POLN: variants seen among roughly 807,000 people sequenced by gnomAD.
POLN encodes DNA polymerase N.
In POLN, 108 loss-of-function variants were observed where a neutral mutation model predicts 113.5. The observed-to-expected ratio is 0.95, with a 90% CI of 0.81 to 1.12. The LOEUF is 1.12. POLN is among the 50% of genes most tolerant of loss of function. The probability of loss-of-function intolerance (pLI) is 0.00; values close to 1 mark genes in which losing one functional copy is unlikely to be tolerated. For synonymous variants in POLN, 386 were observed against 391.5 expected (o/e 0.99, Z 0.17); for missense variants, 1,097 against 1,077.1 (o/e 1.02, Z -0.26).
intron 17 of POLN, 51 bp downstream of exon 17, chr4:2,131,182 C>A: frequency 7.4e-7 from 1 of 1,343,530 alleles, no homozygotes; most frequent in South Asian, 1.2e-5. Context: ...GACACCCTAT[C>A]TCAAAAGAGA....
intron 16 of POLN, among the ~76,000 whole-genome samples, chr4:2,135,081 G>C (rs993800047): frequency 3.3e-5 from 5 of 152,156 alleles, no homozygotes; most frequent in African/African-American, 4.8e-5. Flanking sequence ...CCTTCTGGGA[G>C]TTATTGTCTG....
intron 19 of POLN, among the ~76,000 whole-genome samples, chr4:2,102,536 G>C (rs763258276): frequency 1.9e-4 from 29 of 152,100 alleles, no homozygotes; most frequent in Non-Finnish European, 4.0e-4. Flanking sequence ...CCAGGAGCTC[G>C]AGAGCCCACT....
chr4:2,148,533 G>C (rs1330297803), intron 16 of POLN, among the ~76,000 whole-genome samples: 1 of 152,112 alleles, frequency 6.6e-6, no homozygotes, highest in Non-Finnish European at 1.5e-5. Flanking sequence ...TGGGCATGGT[G>C]GCATGCGCCT....
Position 2,193,193 on chromosome 4 carries a change from A to G in POLN, c.1021+11T>C, listed in dbSNP as rs1733492948. 6.4e-7 allele frequency: 1 copy of G among 1,564,408 alleles called. No homozygotes were observed. Among genetic ancestry groups the G allele is most frequent in the African/African-American group, 1.4e-5 (1 of 71,856 alleles). On this transcript the variant is annotated intron_variant, in intron 7 of 25. Coordinates refer to ENST00000511885, the MANE Select transcript of POLN (RefSeq NM_181808.4). ...AGTTAAATTATAGAGAGAATAAAAA[A>G]TATAACTTACCATGCTTCCAACTGC...
At chr4:2,142,384 A>C (rs1732024226) in intron 16 of POLN, among the ~76,000 whole-genome samples, 1 of 152,222 alleles carries the variant, frequency 6.6e-6, no homozygotes, top group Non-Finnish European at 1.5e-5. Context: ...GGTTTCTCAA[A>C]ACTACCCCTG....
intron 20 of POLN, among the ~76,000 whole-genome samples, chr4:2,087,582 C>CT (rs1341297037): frequency 3.7e-4 from 56 of 152,090 alleles, no homozygotes; most frequent in African/African-American, 1.3e-3. Context: ...TTGAAGTTTT[C>CT]TTTTTTTCAT....
intron 13 of POLN, among the ~76,000 whole-genome samples, chr4:2,169,236 T>C (rs1462781912): frequency 1.3e-5 from 2 of 152,164 alleles, no homozygotes; most frequent in Admixed American, 1.3e-4. Context: ...TGATGCTAAG[T>C]GCAATAGAAG....
intron 6 of POLN, among the ~76,000 whole-genome samples, chr4:2,195,396 G>A (rs1427259410): frequency 6.6e-6 from 1 of 151,750 alleles, no homozygotes; most frequent in Non-Finnish European, 1.5e-5. Flanking sequence ...GTCATGTGGT[G>A]GGGTTGGCAG....
intron 10 of POLN, among the ~76,000 whole-genome samples, chr4:2,174,442 C>T (rs1317694778): frequency 1.3e-5 from 2 of 152,220 alleles, no homozygotes; most frequent in Non-Finnish European, 2.9e-5. Context: ...GAAGCCTACT[C>T]CTCCTTGGCC....
At chr4:2,137,459 A>G (rs1731884584) in intron 16 of POLN, among the ~76,000 whole-genome samples, 1 of 152,246 alleles carries the variant, frequency 6.6e-6, no homozygotes, top group Non-Finnish European at 1.5e-5. Flanking sequence ...CACACCTGCT[A>G]TGGCACCTGA....
At chr4:2,101,068 T>C (rs531956709) in intron 19 of POLN, among the ~76,000 whole-genome samples, 7 of 152,096 alleles carry the variant, frequency 4.6e-5, no homozygotes, top group South Asian at 4.1e-4. Context: ...TGGCTCACCA[T>C]GGTGGAAAAA....
intron 7 of POLN, among the ~76,000 whole-genome samples, chr4:2,186,920 T>G (rs900866634): frequency 6.6e-6 from 1 of 152,212 alleles, no homozygotes; most frequent in South Asian, 2.1e-4. Flanking sequence ...GAGGTTGACT[T>G]AATTTAAAAA....
chr4:2,223,435 G>T (rs1477144759), intron 3 of POLN, among the ~76,000 whole-genome samples: 1 of 152,176 alleles, frequency 6.6e-6, no homozygotes, highest in African/African-American at 2.4e-5. Flanking sequence ...AGGGATAATA[G>T]GTTGCGAGCT....
chr4:2,191,139 A>C (rs1291504858), intron 7 of POLN, among the ~76,000 whole-genome samples: 1 of 152,240 alleles, frequency 6.6e-6, no homozygotes, highest in African/African-American at 2.4e-5. Flanking sequence ...ATAAATAAAG[A>C]AAATGTGGTA....
Position 2,139,589 on chromosome 4 carries a change from C to T in POLN, c.1732-8299G>A, listed in dbSNP as rs570375323. ...TGGAATGAGGGGATGGCTCAGTTTA[C>T]TCTAGATAGAAATAGGAAAATATTA... On this transcript the variant is annotated intron_variant, in intron 16 of 25. Transcript: ENST00000511885. 3.4e-4 allele frequency: 52 copies of T among 152,322 alleles called. 1 individual carries two copies. Among genetic ancestry groups the T allele is most frequent in the African/African-American group, 1.2e-3 (48 of 41,558 alleles). The allele number at this position is 152,322 out of a possible 1,614,324, so 9.4% of individuals were successfully genotyped here. A position where few individuals can be genotyped will look rare whatever the true frequency, so the allele number is the denominator to read the frequency against.
intron 4 of POLN, among the ~76,000 whole-genome samples, chr4:2,211,295 TAATAAG>T (rs1259048601): frequency 2.8e-5 from 4 of 143,886 alleles, no homozygotes; most frequent in African/African-American, 1.1e-4. Flanking sequence ...ATAATAATAA[TAATAAG>T]AGGATTGTGG....
At chr4:2,199,108 A>T (rs1472442554) in intron 5 of POLN, among the ~76,000 whole-genome samples, 1 of 152,246 alleles carries the variant, frequency 6.6e-6, no homozygotes, top group Non-Finnish European at 1.5e-5. Context: ...AACCAAGATC[A>T]AAGCACAGAA....
At chr4:2,137,852 G>A (rs1397455790) in intron 16 of POLN, among the ~76,000 whole-genome samples, 1 of 152,022 alleles carries the variant, frequency 6.6e-6, no homozygotes, top group African/African-American at 2.4e-5. Flanking sequence ...GGGCGGGTCG[G>A]TGGGGGAACA....
intron 19 of POLN, among the ~76,000 whole-genome samples, chr4:2,113,703 C>T (rs1042717583): frequency 6.6e-6 from 1 of 151,382 alleles, no homozygotes; most frequent in Non-Finnish European, 1.5e-5. Context: ...ACTAAAAATC[C>T]AAATATTAGC....
Sources: gnomAD v4.1 joint callset for allele counts (sites outside exome capture counted in the v4.1 genomes callset) on GRCh38, gnomAD v4.1.1 for gene constraint, MANE v1.5 for transcripts, NCBI Gene and HGNC (gene_info 2026-07-23, HGNC 2026-07-21) for gene names.